Variants in TBC1D22A observed in about 807,000 individuals in gnomAD.
The protein encoded by TBC1D22A is putative GTPase activator.
A neutral mutation model predicts 60.2 loss-of-function variants in TBC1D22A; 38 were observed. The ratio of observed to expected loss-of-function variants is 0.63; its 90% CI spans 0.49 to 0.83. TBC1D22A has a LOEUF of 0.83. TBC1D22A is among the 40% of genes least tolerant of loss of function. The pLI is 0.00. For synonymous variants in TBC1D22A, 302 were observed against 281.7 expected (o/e 1.07, Z -0.72); for missense variants, 628 against 701.0 (o/e 0.90, Z 1.18).
intron 12 of TBC1D22A, among the ~76,000 whole-genome samples, chr22:47,148,226 C>T (rs987811048): frequency 2.0e-5 from 3 of 151,950 alleles, no homozygotes; most frequent in Non-Finnish European, 4.4e-5. Flanking sequence ...CAGGTGTGCT[C>T]CTGCCATAGT....
chr22:46,914,796 C>G (rs2070233684), intron 8 of TBC1D22A: 1 of 155,380 alleles, frequency 6.4e-6, no homozygotes, highest in South Asian at 2.0e-4. Context: ...GATCCCTGTC[C>G]TCTTGGAGTT....
At chr22:47,127,306 C>T (rs1312951706) in intron 12 of TBC1D22A, among the ~76,000 whole-genome samples, 1 of 148,692 alleles carries the variant, frequency 6.7e-6, no homozygotes, top group Non-Finnish European at 1.5e-5. Flanking sequence ...TGGCTCACTG[C>T]AACCTCCGCC....
intron 10 of TBC1D22A, among the ~76,000 whole-genome samples, chr22:47,014,606 C>A (rs971549652): frequency 6.6e-6 from 1 of 152,256 alleles, no homozygotes; most frequent in Non-Finnish European, 1.5e-5. Context: ...CTTCTCACGG[C>A]AGCTTGTTAG....
chr22:46,894,587 C>A (rs776392137), intron 6 of TBC1D22A, among the ~76,000 whole-genome samples, 197 bp from the exon 7 acceptor site: 2 of 152,162 alleles, frequency 1.3e-5, no homozygotes, highest in Non-Finnish European at 2.9e-5. Flanking sequence ...TAGGCCTGGG[C>A]GAGCTGTTCA....
chr22:46,804,331 A>G (rs1324473214), intron 4 of TBC1D22A, among the ~76,000 whole-genome samples: 1 of 152,276 alleles, frequency 6.6e-6, no homozygotes, highest in Non-Finnish European at 1.5e-5. Context: ...ATTGAAAGTT[A>G]GAGAAATGGA....
At chr22:47,133,684 G>A (rs1344857769) in intron 12 of TBC1D22A, among the ~76,000 whole-genome samples, 1 of 152,186 alleles carries the variant, frequency 6.6e-6, no homozygotes, top group Admixed American at 6.5e-5. Context: ...CTTGCCTGGA[G>A]CTCTCCCTTG....
intron 7 of TBC1D22A, among the ~76,000 whole-genome samples, chr22:46,897,726 T>C (rs1312285358): frequency 6.7e-6 from 1 of 149,120 alleles, no homozygotes; most frequent in African/African-American, 2.5e-5. Flanking sequence ...GACCCTATTC[T>C]CCTGCCTGAC....
chr22:47,151,612 G>A (rs2147175192), intron 12 of TBC1D22A, among the ~76,000 whole-genome samples: 1 of 152,306 alleles, frequency 6.6e-6, no homozygotes, highest in African/African-American at 2.4e-5. Flanking sequence ...GGGGTCCTGA[G>A]CACTGGGCTG....
chr22:46,808,762 T>G (rs1182881965), intron 4 of TBC1D22A, among the ~76,000 whole-genome samples: 1 of 152,192 alleles, frequency 6.6e-6, no homozygotes, highest in Non-Finnish European at 1.5e-5. Context: ...GCCTGGCTAA[T>G]TTTTTGTATT....
intron 8 of TBC1D22A, among the ~76,000 whole-genome samples, chr22:46,967,657 A>G (rs1463477220): frequency 6.6e-6 from 1 of 152,204 alleles, no homozygotes; most frequent in Non-Finnish European, 1.5e-5. Flanking sequence ...TTTGAAATGA[A>G]AGGAGCTGTT....
At chr22:46,869,500 G>A (rs565102369) in intron 4 of TBC1D22A, among the ~76,000 whole-genome samples, 2 of 152,332 alleles carry the variant, frequency 1.3e-5, no homozygotes, top group Admixed American at 6.5e-5. Context: ...TGTGTGGGTG[G>A]ACTCGGTCTG....
chr22:46,871,441 C>T (rs1219955779), intron 4 of TBC1D22A, among the ~76,000 whole-genome samples: 1 of 152,188 alleles, frequency 6.6e-6, no homozygotes, highest in East Asian at 1.9e-4. Flanking sequence ...GCACATTCAC[C>T]AAGTAGACTG....
At chr22:47,056,582 C>T (rs2063401414) in intron 11 of TBC1D22A, among the ~76,000 whole-genome samples, 1 of 152,204 alleles carries the variant, frequency 6.6e-6, no homozygotes, top group South Asian at 2.1e-4. Flanking sequence ...CGTCTGTGCA[C>T]AGCCACCATC....
In TBC1D22A at chr22:46,762,849, G is replaced by T; in HGVS notation, c.62+1G>T. On this transcript the variant is annotated splice_donor_variant, in intron 1 of 12. Transcript: ENST00000337137. LOFTEE classifies it high-confidence loss of function. Reference sequence around the variant, plus strand: ...GCAGCAACAGCAAGCTCCCGGGCAGGTGGGTGTGCCGCGGAGGGCCAGGTC... The same window carrying T: ...GCAGCAACAGCAAGCTCCCGGGCAGTTGGGTGTGCCGCGGAGGGCCAGGTC... 6.8e-7 allele frequency: 1 copy of T among 1,470,558 alleles called. No homozygotes were observed. The highest frequency in any genetic ancestry group is 1.4e-5 in the South Asian group (1 of 72,416). 91.1% of individuals were successfully genotyped at this position (1,470,558 alleles called of 1,614,324 possible). A position where few individuals can be genotyped will look rare whatever the true frequency, so the allele number is the denominator to read the frequency against.
chr22:47,152,342 C>T (rs2067536456), intron 12 of TBC1D22A, among the ~76,000 whole-genome samples: 2 of 151,954 alleles, frequency 1.3e-5, no homozygotes, highest in South Asian at 2.1e-4. Context: ...CTACGGGGTT[C>T]CCCCCCTGGC....
intron 8 of TBC1D22A, chr22:46,914,640 G>A (rs4823894): frequency 0.56 from 84,322 of 151,928 alleles, 24,263 homozygotes; most frequent in Middle Eastern, 0.73. Context: ...TCATTCACGC[G>A]GCCCTTCATG....
intron 4 of TBC1D22A, among the ~76,000 whole-genome samples, chr22:46,829,256 G>A (rs2086203911): frequency 6.6e-6 from 1 of 152,212 alleles, no homozygotes; most frequent in Admixed American, 6.5e-5. Context: ...AGCCCTCAGG[G>A]TAGGGGTGCA....
intron 10 of TBC1D22A, among the ~76,000 whole-genome samples, chr22:47,026,879 A>G (rs1221987735): frequency 1.3e-5 from 2 of 152,226 alleles, no homozygotes; most frequent in Non-Finnish European, 2.9e-5. Flanking sequence ...AGAAATTGAC[A>G]AGCTGATTTT....
intron 12 of TBC1D22A, chr22:47,115,963 C>G (rs531876759): frequency 7.2e-5 from 11 of 152,370 alleles, no homozygotes; most frequent in African/African-American, 2.4e-4. Context: ...TAAGCTATCC[C>G]GGAACATCTT....
Sources: allele counts gnomAD v4.1 joint callset (sites outside exome capture counted in the v4.1 genomes callset), GRCh38; gene constraint gnomAD v4.1.1; transcripts MANE v1.5; gene names NCBI Gene and HGNC (gene_info 2026-07-23, HGNC 2026-07-21).